SNX4: variants seen among roughly 807,000 people sequenced by gnomAD.
SNX4 encodes the protein sorting nexin 4.
A neutral mutation model predicts 70.8 loss-of-function variants in SNX4; 49 were observed. The ratio of observed to expected loss-of-function variants is 0.69; its 90% CI spans 0.55 to 0.88. The LOEUF is 0.88. Among genes scored for constraint, SNX4 ranks in the 40% least tolerant of loss-of-function variants. The pLI, the probability that SNX4 is intolerant of heterozygous loss-of-function variation, is 0.00. For synonymous variants in SNX4, 206 were observed against 183.8 expected, an observed-to-expected ratio of 1.12 and a Z score of -0.98; for missense variants, 528 against 544.8, an observed-to-expected ratio of 0.97 and a Z score of 0.31.
intron 6 of SNX4, among the ~76,000 whole-genome samples, chr3:125,481,575 A>G (rs1934414790): frequency 6.6e-6 from 1 of 151,500 alleles, no homozygotes; most frequent in Non-Finnish European, 1.5e-5. Context: ...TAGCCTCCCG[A>G]GTATCTGGGA....
intron 11 of SNX4, among the ~76,000 whole-genome samples, chr3:125,456,259 T>C (rs1933712539): frequency 1.3e-5 from 2 of 152,230 alleles, no homozygotes; most frequent in South Asian, 4.1e-4. Flanking sequence ...CGAGATGCAC[T>C]GGTTCTAAGT....
In SNX4 at chr3:125,519,906, C is replaced by G. The variant is rs570580280; in HGVS notation, c.141+126G>C. ...ACCCCGCCTTTCCACCTCGCTCCCCCTCACTGCTGGGCCTCCTCGGCCGAG... is the reference window on the plus strand; with the variant it reads ...ACCCCGCCTTTCCACCTCGCTCCCCGTCACTGCTGGGCCTCCTCGGCCGAG... On this transcript the variant is annotated intron_variant, in intron 1 of 13. Transcript: ENST00000251775. 3,969 of 883,710 alleles carry G rather than the reference C, an allele frequency of 4.5e-3. 22 individuals carry two copies. Among genetic ancestry groups the G allele is most frequent in the Non-Finnish European group, 5.8e-3 (3,586 of 623,410 alleles). The allele number at this position is 883,710 out of a possible 1,614,324, so 54.7% of individuals were successfully genotyped here. A position where few individuals can be genotyped will look rare whatever the true frequency, so the allele number is the denominator to read the frequency against.
chr3:125,454,729 T>C (rs1579971886), intron 11 of SNX4, among the ~76,000 whole-genome samples: 1 of 152,198 alleles, frequency 6.6e-6, no homozygotes, highest in East Asian at 1.9e-4. Context: ...TTATGTTATA[T>C]ATATTTCACT....
chr3:125,494,014 G>A (rs929324459), intron 5 of SNX4, among the ~76,000 whole-genome samples: 2 of 149,864 alleles, frequency 1.3e-5, no homozygotes, highest in African/African-American at 2.5e-5. Context: ...TCCAGCCGGG[G>A]CGACAGAGCA....
chr3:125,480,295 A>G lies in SNX4; in HGVS notation c.678T>C (p.Tyr226=). The G allele has an allele frequency of 6.4e-7, 1 of 1,564,006 alleles. No individual in the cohort carries two copies. The highest frequency in any genetic ancestry group is 1.2e-5 in the South Asian group (1 of 82,858). Reference sequence around the variant, plus strand: ...AGATGACAGACTGCAGTTCATCACTATAGTGCTTAAGGTCAGTAAATCTCC... The same window carrying G: ...AGATGACAGACTGCAGTTCATCACTGTAGTGCTTAAGGTCAGTAAATCTCC... ...PDKRFTDLKH[Y]SDELQSVISH... is the part of the protein sequence containing the mutation. The change falls in exon 7 of 14, where the codon TAT becomes TAC. Residue 226 remains tyrosine (Y), a synonymous_variant. Coordinates refer to ENST00000251775, the MANE Select transcript of SNX4 (RefSeq NM_003794.4).
intron 8 of SNX4, among the ~76,000 whole-genome samples, chr3:125,474,294 G>C (rs1186429486): frequency 6.6e-6 from 1 of 151,968 alleles, no homozygotes; most frequent in Non-Finnish European, 1.5e-5. Context: ...GTTGTCGTAA[G>C]ATGTTTTTAT....
At chr3:125,498,024 G>T in intron 3 of SNX4, 35 bp downstream of exon 3, 1 of 1,613,970 alleles carries the variant, frequency 6.2e-7, no homozygotes, top group Non-Finnish European at 8.5e-7. Context: ...TCTCAATGCT[G>T]AATACTTCTA....
In SNX4 at chr3:125,476,685, T is replaced by C; in HGVS notation, c.788+10A>G. 1.3e-6 allele frequency: 2 copies of C among 1,545,416 alleles called. No individual in the cohort carries two copies. Among genetic ancestry groups the C allele is most frequent in the African/African-American group, 2.7e-5 (2 of 73,408 alleles). ...AAGCTAATTATTTTTAAAGTTTGTA[T>C]GATGCTTACCTGAAAACTCGACCAT... On this transcript the variant is annotated intron_variant, in intron 8 of 13. Transcript: ENST00000251775.
intron 13 of SNX4, among the ~76,000 whole-genome samples, chr3:125,450,521 A>G (rs1372989106): frequency 6.6e-6 from 1 of 152,234 alleles, no homozygotes; most frequent in Non-Finnish European, 1.5e-5. Context: ...TACTGAGATA[A>G]TGCATGTAAA....
At chr3:125,453,428 TTC>T (rs1312913314) in intron 12 of SNX4, among the ~76,000 whole-genome samples, 1 of 152,214 alleles carries the variant, frequency 6.6e-6, no homozygotes, top group East Asian at 1.9e-4. Flanking sequence ...AAACTTTTAT[TTC>T]TCTTTCCCCC....
chr3:125,460,901 T>G, intron 9 of SNX4, 41 bp from the exon 10 acceptor site: 1 of 982,766 alleles, frequency 1.0e-6, no homozygotes, highest in South Asian at 1.7e-5. Context: ...AGAGTTACTT[T>G]CATTGGAATA....
At chr3:125,486,497 G>A (rs1934537047) in intron 6 of SNX4, among the ~76,000 whole-genome samples, 1 of 152,086 alleles carries the variant, frequency 6.6e-6, no homozygotes, top group Non-Finnish European at 1.5e-5. Context: ...GTGGTGGCGG[G>A]TGCCTATAGT....
At chr3:125,452,688 G>A (rs970414768) in intron 12 of SNX4, among the ~76,000 whole-genome samples, 3 of 152,158 alleles carry the variant, frequency 2.0e-5, no homozygotes, top group African/African-American at 4.8e-5. Flanking sequence ...CGTGATCTCC[G>A]CTCACTGCAA....
rs765374754 is a variant in SNX4 at position 125,451,293 on chromosome 3, GA to G, written c.1305+11del. ...TATACATATATCTTCACTGAAACAG[GA>G]AAAACCCTACCTTTTTGCACATACT... is the stretch of plus-strand genomic sequence containing the variant. On this transcript the variant is annotated intron_variant, in intron 13 of 13. Transcript: ENST00000251775. The G allele has an allele frequency of 4.4e-6, 7 of 1,587,200 alleles. No individual in the cohort carries two copies. In the South Asian group the frequency reaches 7.9e-5, roughly 18 times the overall value.
intron 6 of SNX4, among the ~76,000 whole-genome samples, chr3:125,485,746 T>C (rs1360894759): frequency 6.6e-6 from 1 of 152,186 alleles, no homozygotes; most frequent in Non-Finnish European, 1.5e-5. Context: ...AAAGAAACTG[T>C]AGTCTGAGTG....
intron 1 of SNX4, among the ~76,000 whole-genome samples, chr3:125,510,508 C>T (rs536766032): frequency 2.4e-3 from 372 of 152,214 alleles, no homozygotes; most frequent in African/African-American, 8.5e-3. Context: ...GGATTACAGG[C>T]GTGAGCCACC....
intron 13 of SNX4, among the ~76,000 whole-genome samples, chr3:125,448,790 C>G (rs2107837029): frequency 6.6e-6 from 1 of 151,470 alleles, no homozygotes. Context: ...ATTCTACCAC[C>G]TCAGCCTCCC....
intron 1 of SNX4, among the ~76,000 whole-genome samples, chr3:125,506,344 CTTT>C (rs552693772): frequency 1.5e-5 from 2 of 137,700 alleles, no homozygotes; most frequent in Non-Finnish European, 1.6e-5. Flanking sequence ...TTTTTCATTT[CTTT>C]TTTTTTTTTT....
Position 125,448,365 on chromosome 3 carries a change from G to T in SNX4, c.1306-539C>A, listed in dbSNP as rs143972535. 2.1e-3 allele frequency among the ~76,000 whole-genome samples: 319 copies of T among 151,566 alleles called. 2 individuals are homozygous for T. The highest frequency in any genetic ancestry group is 7.0e-3 in the African/African-American group (289 of 41,302). ...ACCCAGGCTGGTCTGGAATTCCTGG[G>T]CTCAAGCGACCTGCTTGCCTCTGCC... On this transcript the variant is annotated intron_variant, in intron 13 of 13. Coordinates refer to ENST00000251775, the MANE Select transcript of SNX4 (RefSeq NM_003794.4).
Sources: allele counts gnomAD v4.1 joint callset (sites outside exome capture counted in the v4.1 genomes callset), GRCh38; gene constraint gnomAD v4.1.1; transcripts MANE v1.5; gene names NCBI Gene and HGNC (gene_info 2026-07-23, HGNC 2026-07-21).